The following LNX2 variants were observed in gnomAD, a reference collection of about 807,000 sequenced individuals.
LNX2 encodes the protein ligand of Numb protein X 2.
A neutral mutation model predicts 66.2 loss-of-function variants in LNX2; 35 were observed. That is an observed-to-expected ratio of 0.53 (90% confidence interval 0.40 to 0.70). The LOEUF (loss-of-function observed/expected upper bound fraction) is 0.70. Ranked by LOEUF, LNX2 falls within the 30% of genes least tolerant of loss-of-function variation. LNX2 has a pLI of 0.00. For synonymous variants in LNX2, 337 were observed against 315.6 expected (o/e 1.07, Z -0.72); for missense variants, 791 against 850.8 (o/e 0.93, Z 0.87).
At chr13:27,567,101 C>G (rs988310279) in intron 4 of LNX2, among the ~76,000 whole-genome samples, 2 of 152,050 alleles carry the variant, frequency 1.3e-5, no homozygotes, top group Non-Finnish European at 2.9e-5. Flanking sequence ...AGAGTGTTTG[C>G]TGAGGAGAGT....
intron 8 of LNX2, 108 bp from the exon 9 acceptor site, chr13:27,550,599 G>GA (rs1186515492): frequency 1.4e-6 from 1 of 721,730 alleles, no homozygotes; most frequent in Admixed American, 2.9e-5. Context: ...TTGGAAAAAA[G>GA]AAAAAGGGCT....
At chr13:27,552,378 G>A (rs2138314118) in intron 8 of LNX2, among the ~76,000 whole-genome samples, 2 of 151,356 alleles carry the variant, frequency 1.3e-5, no homozygotes, top group South Asian at 4.2e-4. Context: ...ATAAATGCTA[G>A]TTGTTGTTAT....
chr13:27,553,129 A>G (rs1039518004), intron 8 of LNX2, 79 bp downstream of exon 8: 3 of 1,176,086 alleles, frequency 2.6e-6, no homozygotes, highest in Non-Finnish European at 3.7e-6. Context: ...CCCAACGAGT[A>G]AATTTATCAT....
chr13:27,618,163 T>C (rs1385135138), intron 1 of LNX2, among the ~76,000 whole-genome samples: 1 of 152,212 alleles, frequency 6.6e-6, no homozygotes, highest in Non-Finnish European at 1.5e-5. Flanking sequence ...CCAGGATTCA[T>C]CCTTCCCTCC....
intron 1 of LNX2, among the ~76,000 whole-genome samples, chr13:27,599,175 A>C (rs1410695644): frequency 6.6e-6 from 1 of 152,136 alleles, no homozygotes; most frequent in Non-Finnish European, 1.5e-5. Flanking sequence ...ATCTCTCACA[A>C]AGCTTCTTGG....
chr13:27,548,436 A>C lies in LNX2; in HGVS notation c.1972T>G (p.Ser658Ala). 6.2e-7 allele frequency: 1 copy of C among 1,614,136 alleles called. No individual in the cohort carries two copies. Among genetic ancestry groups the C allele is most frequent in the Middle Eastern group, 1.6e-4 (1 of 6,062 alleles). ...GDMIVAVNGLSTVGMSHSALV... is the reference protein window; with the variant it reads ...GDMIVAVNGLATVGMSHSALV... The stretch of plus-strand genomic sequence containing the variant: ...GCAGAGTGGCTCATGCCCACGGTTG[A>C]CAGCCCATTTACGGCCACAATCATG... Residue 658 changes from serine (S) to alanine (A), a missense_variant, in exon 10 of 10, where the codon TCA becomes GCA. Physicochemically the swap from Ser to Ala is moderately conservative, Grantham distance 99 (BLOSUM62 1). Transcript: ENST00000316334.
chr13:27,573,324 CTTT>C, intron 2 of LNX2, among the ~76,000 whole-genome samples: 1 of 151,786 alleles, frequency 6.6e-6, no homozygotes, highest in Admixed American at 6.6e-5. Context: ...CTTTTTTCTT[CTTT>C]TTTTTCCCCC....
chr13:27,616,175 G>C (rs546799400), intron 1 of LNX2, among the ~76,000 whole-genome samples: 2,583 of 138,384 alleles, frequency 0.019, 30 homozygotes, highest in Non-Finnish European at 0.029. Flanking sequence ...GGTCGGGGGT[G>C]GGGTGGGGGG....
rs1302151213 is a variant in LNX2 at position 27,559,856 on chromosome 13, G to T, written c.1354C>A (p.Pro452Thr). Reference sequence around the variant, plus strand: ...AAAATCCTCACCTTATGTGAGCTTGGTCTGCTATAATACGGTGGTGGTGTG... The same window carrying T: ...AAAATCCTCACCTTATGTGAGCTTGTTCTGCTATAATACGGTGGTGGTGTG... ...HHTPPPYYSR[P>T]SSHKDLTQCV... The change falls in exon 6 of 10, where the codon CCA becomes ACA. Residue 452 changes from proline (P) to threonine (T), a missense_variant. Transcript: ENST00000316334. The T allele has an allele frequency of 6.4e-7, 1 of 1,574,426 alleles. No individual in the cohort carries two copies. Among genetic ancestry groups the T allele is most frequent in the East Asian group, 2.3e-5 (1 of 43,754 alleles).
At chr13:27,618,368 G>C (rs1955849507) in intron 1 of LNX2, among the ~76,000 whole-genome samples, 1 of 152,154 alleles carries the variant, frequency 6.6e-6, no homozygotes, top group East Asian at 1.9e-4. Flanking sequence ...AAGGAACAAA[G>C]AGGTTTCAGT....
chr13:27,559,777 T>G, intron 6 of LNX2, 65 bp downstream of exon 6: 3 of 1,416,224 alleles, frequency 2.1e-6, no homozygotes. Context: ...AACCTTCATT[T>G]AAATCTTACC....
At position 27,553,418 on chromosome 13, in the gene LNX2, T is replaced by C. The variant is rs764356261; in HGVS notation, c.1568A>G (p.Asn523Ser). ...ACTTAAATTGGTCAAATCAATGCCG[T>C]TGATATTTAGCAACACATCACCTGT... Reference protein sequence around the residue: ...IKRGDVLLNINGIDLTNLSHS... With the variant: ...IKRGDVLLNISGIDLTNLSHS... The change falls in exon 8 of 10, where the codon AAC (asparagine) becomes AGC (serine). Residue 523 changes from asparagine (N) to serine (S), a missense_variant. Asn to Ser is a conservative substitution (Grantham distance 46). Coordinates refer to ENST00000316334, the MANE Select transcript of LNX2 (RefSeq NM_153371.4). 1.3e-5 allele frequency: 21 copies of C among 1,614,088 alleles called. No individual in the cohort carries two copies. The highest frequency in any genetic ancestry group is 1.8e-5 in the Non-Finnish European group (21 of 1,179,940).
At position 27,582,588 on chromosome 13, in the gene LNX2, T is replaced by C. The variant is rs577223224; in HGVS notation, c.-100-785A>G. Among the ~76,000 whole-genome samples, 6 of 152,316 alleles carry C rather than the reference T, an allele frequency of 3.9e-5. No homozygotes were observed. The East Asian group carries it at 5.8e-4, about 15-fold the overall frequency. On this transcript the variant is annotated intron_variant, in intron 1 of 9. Coordinates refer to ENST00000316334, the MANE Select transcript of LNX2 (RefSeq NM_153371.4). ...CACATTTACAGTACAATATCAAAGA[T>C]TGCGTCTTTGAAATGTAGTCTCAAG... is the stretch of plus-strand genomic sequence containing the variant.
chr13:27,587,446 A>T, intron 1 of LNX2, among the ~76,000 whole-genome samples: 1 of 152,178 alleles, frequency 6.6e-6, no homozygotes, highest in East Asian at 1.9e-4. Flanking sequence ...TTAGGCATTT[A>T]AAAAAGATTG....
At chr13:27,597,737 G>A (rs898061897) in intron 1 of LNX2, among the ~76,000 whole-genome samples, 1 of 152,048 alleles carries the variant, frequency 6.6e-6, no homozygotes, top group Non-Finnish European at 1.5e-5. Context: ...AAGGAGGAAT[G>A]GATTTGAGCA....
At chr13:27,609,146 TG>T (rs1391633127) in intron 1 of LNX2, among the ~76,000 whole-genome samples, 1 of 104,326 alleles carries the variant, frequency 9.6e-6, no homozygotes, top group Non-Finnish European at 2.0e-5. Context: ...TAACCAACAG[TG>T]ATTTTTTTTT....
At chr13:27,560,253 A>G (rs1037090659) in intron 5 of LNX2, among the ~76,000 whole-genome samples, 1 of 152,162 alleles carries the variant, frequency 6.6e-6, no homozygotes, top group African/African-American at 2.4e-5. Context: ...AAGTGGTCAC[A>G]CTGCCTGGGC....
At chr13:27,593,572 T>G (rs1955566735) in intron 1 of LNX2, among the ~76,000 whole-genome samples, 1 of 149,116 alleles carries the variant, frequency 6.7e-6, no homozygotes, top group Non-Finnish European at 1.5e-5. Context: ...ACTTTTTTTT[T>G]TTTTTTTTTT....
chr13:27,552,093 AT>A lies in LNX2; in HGVS notation c.1778+1114del, dbSNP rs201379101. On this transcript the variant is annotated intron_variant, in intron 8 of 9. Coordinates refer to ENST00000316334, the MANE Select transcript of LNX2 (RefSeq NM_153371.4). ...AAAAACAGATTTTACTATACTGTGT[AT>A]TTCTCATCTAAAATCTTTGCTATTA... 8.0e-3 allele frequency among the ~76,000 whole-genome samples: 1,221 copies of A among 152,328 alleles called. 9 individuals carry two copies. The highest frequency in any genetic ancestry group is 0.013 in the Non-Finnish European group (883 of 68,028).
Sources: allele counts gnomAD v4.1 joint callset (sites outside exome capture counted in the v4.1 genomes callset), GRCh38; gene constraint gnomAD v4.1.1; transcripts MANE v1.5; gene names NCBI Gene and HGNC (gene_info 2026-07-23, HGNC 2026-07-21).